DLGAP2: variants seen among roughly 807,000 people sequenced by gnomAD.
DLGAP2 encodes DLG associated protein 2.
Under a neutral mutation model 100.3 loss-of-function variants are expected in DLGAP2, and 26 were observed. That is an observed-to-expected ratio of 0.26 (90% CI 0.19 to 0.36). DLGAP2 has a LOEUF of 0.36. DLGAP2 is among the 10% of genes least tolerant of loss of function. The pLI is 1.00. For synonymous variants in DLGAP2, 886 were observed against 630.1 expected, an observed-to-expected ratio of 1.41 and a Z score of -6.08; for missense variants, 1,858 against 1,453.2, an observed-to-expected ratio of 1.28 and a Z score of -4.53.
rs1355445978 is a variant in DLGAP2 at position 1,703,408 on chromosome 8, G to A, written c.*2002G>A. 2 of 152,390 alleles carry A rather than the reference G, an allele frequency of 1.3e-5. No homozygotes were observed. Among genetic ancestry groups the A allele is most frequent in the Admixed American group, 6.6e-5 (1 of 15,266 alleles). The allele number at this position is 152,390 out of a possible 1,614,324, so 9.4% of individuals were successfully genotyped here. A position where few individuals can be genotyped will look rare whatever the true frequency, so the allele number is the denominator to read the frequency against. ...AATACCTAAATCTTGAGTAGTGTAC[G>A]GTAATGACGCTTCTTCCTATATCCA... On this transcript the variant is annotated 3_prime_UTR_variant, in exon 15 of 15. Coordinates refer to ENST00000637795, the MANE Select transcript of DLGAP2 (RefSeq NM_001346810.2).
chr8:1,553,547 C>T (rs893965450), intron 5 of DLGAP2, among the ~76,000 whole-genome samples: 4 of 111,714 alleles, frequency 3.6e-5, no homozygotes, highest in African/African-American at 1.0e-4. Context: ...TACATGTTCA[C>T]GTGTTGGAAG....
intron 1 of DLGAP2, among the ~76,000 whole-genome samples, chr8:893,281 G>A (rs117001463): frequency 5.9e-5 from 9 of 152,304 alleles, no homozygotes; most frequent in East Asian, 1.9e-4. Flanking sequence ...AAATGATGAC[G>A]TTTTGCAGAA....
At chr8:1,546,437 C>G (rs1467825796) in intron 4 of DLGAP2, among the ~76,000 whole-genome samples, 2 of 152,212 alleles carry the variant, frequency 1.3e-5, no homozygotes, top group African/African-American at 4.8e-5. Context: ...TTCCCAGGGA[C>G]TCATGAAATC....
In DLGAP2 at chr8:1,697,216, A is replaced by G. The variant is rs753434590; in HGVS notation, c.2866A>G (p.Ile956Val). The part of the protein sequence containing the change: ...AGYWDMLQLS[I>V]EDVSMKFDEL... ...CTACTGGGACATGCTGCAGCTCTCC[A>G]TTGAGGACGTCAGCATGAAGTTCGA... is the stretch of plus-strand genomic sequence containing the variant. Residue 956 changes from isoleucine to valine, a missense_variant, in exon 14 of 15, where the codon ATT (isoleucine) becomes GTT (valine). Coordinates refer to ENST00000637795, the MANE Select transcript of DLGAP2 (RefSeq NM_001346810.2). The G allele has an allele frequency of 4.9e-5, 79 of 1,611,696 alleles. No individual in the cohort carries two copies. The highest frequency in any genetic ancestry group is 6.3e-5 in the Non-Finnish European group (74 of 1,178,898).
At chr8:1,259,611 C>A (rs925099482) in intron 3 of DLGAP2, 2 of 152,214 alleles carry the variant, frequency 1.3e-5, no homozygotes, top group African/African-American at 4.8e-5. Context: ...ACTCGGGACA[C>A]AGCCAACCCC....
intron 6 of DLGAP2, among the ~76,000 whole-genome samples, chr8:1,573,105 G>C (rs1326131154): frequency 9.5e-6 from 1 of 105,352 alleles, no homozygotes; most frequent in Non-Finnish European, 1.9e-5. Flanking sequence ...GGAGAGAGGG[G>C]TGAACTGTGG....
chr8:760,812 C>T (rs1038115759), intron 1 of DLGAP2, among the ~76,000 whole-genome samples: 3 of 152,160 alleles, frequency 2.0e-5, no homozygotes, highest in Admixed American at 2.0e-4. Flanking sequence ...CAGCGTCCCC[C>T]CACCCCTCCC....
intron 2 of DLGAP2, among the ~76,000 whole-genome samples, chr8:1,172,379 G>A (rs1233633705): frequency 6.6e-6 from 1 of 151,316 alleles, no homozygotes; most frequent in East Asian, 2.0e-4. Flanking sequence ...TGCTCTTCTC[G>A]AGGAGTAGCT....
intron 6 of DLGAP2, among the ~76,000 whole-genome samples, chr8:1,608,764 G>A (rs1460823045): frequency 1.5e-4 from 23 of 149,528 alleles, no homozygotes; most frequent in African/African-American, 5.1e-4. Context: ...AGGAGCCGAT[G>A]CGATCAACTG....
rs76539918 is a variant in DLGAP2 at position 1,017,504 on chromosome 8, G to A, written c.73+109538G>A. 2.6e-4 allele frequency among the ~76,000 whole-genome samples: 27 copies of A among 102,718 alleles called. 2 individuals carry two copies. The highest frequency in any genetic ancestry group is 7.9e-4 in the African/African-American group (15 of 18,904). The allele number at this position is 102,718 out of a possible 152,430, so 67.4% of individuals were successfully genotyped here. A position where few individuals can be genotyped will look rare whatever the true frequency, so the allele number is the denominator to read the frequency against. ...GACAGACGGCGCCTCCACTGTGTGT[G>A]TGACCAGGACAGACGCCTCCACTGT... On this transcript the variant is annotated intron_variant, in intron 2 of 14. Transcript: ENST00000637795.
chr8:905,309 T>A (rs1046903842), intron 1 of DLGAP2, among the ~76,000 whole-genome samples: 3 of 150,674 alleles, frequency 2.0e-5, no homozygotes, highest in Non-Finnish European at 4.4e-5. Flanking sequence ...CTGGGGAGAG[T>A]GAGAGGCTGG....
intron 1 of DLGAP2, among the ~76,000 whole-genome samples, chr8:877,367 C>T (rs1326957058): frequency 6.6e-6 from 1 of 152,148 alleles, no homozygotes; most frequent in Non-Finnish European, 1.5e-5. Context: ...TCTGCCCTGT[C>T]CCCCATGGTG....
intron 2 of DLGAP2, among the ~76,000 whole-genome samples, chr8:1,219,232 A>G (rs1172876963): frequency 6.6e-6 from 1 of 152,194 alleles, no homozygotes; most frequent in Non-Finnish European, 1.5e-5. Flanking sequence ...GCTTTTACCC[A>G]TTCAATATGA....
intron 2 of DLGAP2, among the ~76,000 whole-genome samples, chr8:1,119,989 CT>C (rs1795997466): frequency 6.6e-6 from 1 of 152,176 alleles, no homozygotes; most frequent in Admixed American, 6.5e-5. Context: ...GGACTCAGCA[CT>C]TTTAGGGCTG....
intron 2 of DLGAP2, among the ~76,000 whole-genome samples, chr8:1,203,323 C>G (rs139466173): frequency 6.8e-6 from 1 of 146,858 alleles, no homozygotes; most frequent in Admixed American, 6.7e-5. Context: ...GCGTGTCCTT[C>G]GGTGACGAGG....
At chr8:1,641,695 AAC>A (rs1797903694) in intron 8 of DLGAP2, among the ~76,000 whole-genome samples, 1 of 152,146 alleles carries the variant, frequency 6.6e-6, no homozygotes, top group South Asian at 2.1e-4. Context: ...TCCTAAGAGT[AAC>A]AGTTACTGTA....
chr8:786,384 G>A (rs1821867332), intron 1 of DLGAP2, among the ~76,000 whole-genome samples: 1 of 152,144 alleles, frequency 6.6e-6, no homozygotes. Context: ...TGCATCTTCC[G>A]GGGACAGCCA....
chr8:1,115,497 A>T (rs1227817756), intron 2 of DLGAP2, among the ~76,000 whole-genome samples: 2 of 152,228 alleles, frequency 1.3e-5, no homozygotes, highest in Non-Finnish European at 2.9e-5. Context: ...TAACTACTTT[A>T]TAAAAATATT....
chr8:1,583,228 A>G (rs1286789999), intron 6 of DLGAP2, among the ~76,000 whole-genome samples: 1 of 152,188 alleles, frequency 6.6e-6, no homozygotes, highest in Non-Finnish European at 1.5e-5. Flanking sequence ...GATGGCTCCA[A>G]GCCTCTTCTC....
Sources: allele counts gnomAD v4.1 joint callset (sites outside exome capture counted in the v4.1 genomes callset), GRCh38; gene constraint gnomAD v4.1.1; transcripts MANE v1.5; gene names NCBI Gene and HGNC (gene_info 2026-07-23, HGNC 2026-07-21).